TENM3: variants seen among roughly 807,000 people sequenced by gnomAD.
The protein encoded by TENM3 is teneurin transmembrane protein 3, also known as teneurin-3.
A neutral mutation model predicts 255.1 loss-of-function variants in TENM3; 63 were observed. The ratio of observed to expected loss-of-function variants is 0.25; its 90% CI spans 0.20 to 0.30. TENM3 has a LOEUF of 0.30. TENM3 is among the 10% of genes least tolerant of loss of function. TENM3 has a pLI of 1.00. For missense variants in TENM3, 2,929 were observed against 3,461.1 expected, an observed-to-expected ratio of 0.85 and a Z score of 3.86; for synonymous variants, 1,306 against 1,322.3, an observed-to-expected ratio of 0.99 and a Z score of 0.27.
chr4:182,602,691 C>A (rs1358035647), intron 4 of TENM3, among the ~76,000 whole-genome samples: 2 of 152,168 alleles, frequency 1.3e-5, no homozygotes, highest in Non-Finnish European at 2.9e-5. Context: ...GCAGATTTCT[C>A]TTCACTTAAG....
the TENM3 span, among the ~76,000 whole-genome samples, chr4:181,788,804 C>T: frequency 9.2e-5 from 14 of 152,152 alleles, no homozygotes; most frequent in Admixed American, 7.9e-4. Context: ...CACTATGTTG[C>T]CCAGGCTGGT....
At chr4:182,062,836 G>A in the TENM3 span, among the ~76,000 whole-genome samples, 3 of 152,202 alleles carry the variant, frequency 2.0e-5, no homozygotes, top group Non-Finnish European at 4.4e-5. Context: ...AAATTTGATT[G>A]TTAAACAGAC....
At chr4:181,943,973 G>T in the TENM3 span, among the ~76,000 whole-genome samples, 2 of 152,090 alleles carry the variant, frequency 1.3e-5, no homozygotes, top group Non-Finnish European at 2.9e-5. Context: ...CCCAAGCTGT[G>T]TGTCTCTCAT....
At chr4:181,750,120 T>C in the TENM3 span, among the ~76,000 whole-genome samples, 1 of 152,144 alleles carries the variant, frequency 6.6e-6, no homozygotes, top group Admixed American at 6.6e-5. Context: ...GGATGCTTTA[T>C]TGGACGTGAA....
chr4:181,525,844 C>A, the TENM3 span, among the ~76,000 whole-genome samples: 23 of 152,158 alleles, frequency 1.5e-4, no homozygotes, highest in Non-Finnish European at 1.0e-4. Flanking sequence ...ACTTTGCACG[C>A]GCTACTTCTC....
chr4:182,181,071 A>G (rs1466164423), intron 1 of TENM3, among the ~76,000 whole-genome samples: 4 of 152,066 alleles, frequency 2.6e-5, no homozygotes, highest in Non-Finnish European at 5.9e-5. Context: ...TTTCTTATCT[A>G]CATGGACATA....
At chr4:181,698,850 C>G in the TENM3 span, among the ~76,000 whole-genome samples, 1 of 152,004 alleles carries the variant, frequency 6.6e-6, no homozygotes, top group Non-Finnish European at 1.5e-5. Context: ...ACATTGCTTT[C>G]AAAAAAGCAA....
chr4:182,698,523 T>TG (rs1334938741), intron 12 of TENM3, among the ~76,000 whole-genome samples: 1 of 152,238 alleles, frequency 6.6e-6, no homozygotes, highest in Non-Finnish European at 1.5e-5. Context: ...GCACCTGACT[T>TG]GCTGTGTAAC....
chr4:181,606,334 C>T, the TENM3 span, among the ~76,000 whole-genome samples: 4 of 152,282 alleles, frequency 2.6e-5, no homozygotes, highest in South Asian at 8.3e-4. Context: ...ACCCAGCTTG[C>T]AACTCTTCAG....
At chr4:181,883,033 TTG>T in the TENM3 span, among the ~76,000 whole-genome samples, 1 of 151,734 alleles carries the variant, frequency 6.6e-6, no homozygotes, top group Non-Finnish European at 1.5e-5. Context: ...TTCCTGCAGA[TTG>T]TCCCTATTCA....
chr4:182,383,352 G>A (rs1767695809), intron 3 of TENM3, among the ~76,000 whole-genome samples: 1 of 152,130 alleles, frequency 6.6e-6, no homozygotes, highest in East Asian at 1.9e-4. Context: ...CAAGGGGAAG[G>A]GTGAAGAAGG....
chr4:181,467,101 GTGTATA>G, the TENM3 span, among the ~76,000 whole-genome samples: 10 of 71,220 alleles, frequency 1.4e-4, no homozygotes, highest in African/African-American at 7.4e-4. Flanking sequence ...GTGTGTGTGT[GTGTATA>G]TATATATATA....
At chr4:181,675,863 T>C in the TENM3 span, among the ~76,000 whole-genome samples, 1 of 152,134 alleles carries the variant, frequency 6.6e-6, no homozygotes, top group Non-Finnish European at 1.5e-5. Context: ...CTGCTCCAGT[T>C]TGAGTTGGGT....
the TENM3 span, among the ~76,000 whole-genome samples, chr4:181,822,655 T>C: frequency 6.6e-6 from 1 of 152,238 alleles, no homozygotes. Flanking sequence ...TTCAGCTTTC[T>C]GTCTTAACTC....
At chr4:182,582,813 C>T (rs1244454805) in intron 3 of TENM3, among the ~76,000 whole-genome samples, 1 of 152,108 alleles carries the variant, frequency 6.6e-6, no homozygotes, top group Non-Finnish European at 1.5e-5. Flanking sequence ...GAACCACATA[C>T]AACAAGAAAA....
At chr4:181,749,095 T>C in the TENM3 span, among the ~76,000 whole-genome samples, 2 of 152,100 alleles carry the variant, frequency 1.3e-5, no homozygotes, top group East Asian at 1.9e-4. Flanking sequence ...GTGGTTATTC[T>C]CTAAACAAGA....
At chr4:182,213,340 A>G (rs1196910610) in intron 1 of TENM3, among the ~76,000 whole-genome samples, 5 of 152,224 alleles carry the variant, frequency 3.3e-5, no homozygotes, top group Non-Finnish European at 5.9e-5. Flanking sequence ...TATGTGAATT[A>G]CCATGCCACC....
chr4:182,014,766 CA>C, the TENM3 span, among the ~76,000 whole-genome samples: 1 of 152,148 alleles, frequency 6.6e-6, no homozygotes, highest in Non-Finnish European at 1.5e-5. Context: ...TGAGGTGTAC[CA>C]GGGGCGGCAG....
chr4:182,705,006 A>G (rs1758169757), intron 12 of TENM3, among the ~76,000 whole-genome samples: 1 of 152,180 alleles, frequency 6.6e-6, no homozygotes, highest in African/African-American at 2.4e-5. Context: ...TAATTGTTTT[A>G]TGGTGTTTAA....
Sources: allele counts gnomAD v4.1 joint callset (sites outside exome capture counted in the v4.1 genomes callset), GRCh38; gene constraint gnomAD v4.1.1; transcripts MANE v1.5; gene names NCBI Gene and HGNC (gene_info 2026-07-23, HGNC 2026-07-21).